The following TANK variants were observed in gnomAD, a reference collection of about 807,000 sequenced individuals.
The protein encoded by TANK is TRAF family member associated NFKB activator, also known as TRAF family member-associated NF-kappa-B activator.
Under a neutral mutation model 43.6 loss-of-function variants are expected in TANK, and 15 were observed. The observed-to-expected ratio is 0.34, with a 90% CI of 0.23 to 0.53. TANK has a LOEUF of 0.53. Among genes scored for constraint, TANK ranks in the 20% least tolerant of loss-of-function variants. The pLI is 0.94. For synonymous variants in TANK, 162 were observed against 178.2 expected, an observed-to-expected ratio of 0.91 and a Z score of 0.73; for missense variants, 417 against 498.6, an observed-to-expected ratio of 0.84 and a Z score of 1.56.
intron 4 of TANK, among the ~76,000 whole-genome samples, chr2:161,210,002 T>C (rs975907508): frequency 6.6e-6 from 1 of 152,256 alleles, no homozygotes; most frequent in Non-Finnish European, 1.5e-5. Context: ...TAAACATGTC[T>C]TTATTTTTCA....
chr2:161,178,995 A>G (rs926775031), intron 1 of TANK, among the ~76,000 whole-genome samples: 3 of 152,174 alleles, frequency 2.0e-5, no homozygotes, highest in African/African-American at 7.2e-5. Flanking sequence ...ACCTGTATTC[A>G]GAAACAGCAG....
At chr2:161,160,641 A>T (rs958584737) in intron 1 of TANK, 155 bp downstream of exon 1, 1 of 614,340 alleles carries the variant, frequency 1.6e-6, no homozygotes, top group Non-Finnish European at 2.5e-6. Context: ...CAGTTTGGGG[A>T]GGGATTTTGT....
At chr2:161,201,922 T>C (rs1250789851) in intron 2 of TANK, among the ~76,000 whole-genome samples, 3 of 152,218 alleles carry the variant, frequency 2.0e-5, no homozygotes, top group Non-Finnish European at 2.9e-5. Flanking sequence ...CTGTTCACAA[T>C]AATAAAATGT....
intron 1 of TANK, 72 bp from the exon 2 acceptor site, chr2:161,179,542 C>G (rs753576642): frequency 1.0e-5 from 14 of 1,362,014 alleles, no homozygotes; most frequent in Non-Finnish European, 1.4e-5. Flanking sequence ...ATAGAACTAT[C>G]TTTAAGATGC....
chr2:161,230,711 A>T (rs1027153644), intron 6 of TANK, among the ~76,000 whole-genome samples: 1 of 152,236 alleles, frequency 6.6e-6, no homozygotes, highest in Non-Finnish European at 1.5e-5. Flanking sequence ...TGTAACTGTG[A>T]ACAAGATGCA....
chr2:161,197,453 C>T (rs1686205827), intron 2 of TANK: 2 of 152,176 alleles, frequency 1.3e-5, no homozygotes, highest in South Asian at 4.1e-4. Flanking sequence ...ATAACCAGAG[C>T]TTTTGTTCAT....
chr2:161,212,142 C>T (rs991195647), intron 4 of TANK: 10 of 354,536 alleles, frequency 2.8e-5, no homozygotes, highest in Non-Finnish European at 3.9e-5. Flanking sequence ...CTCACTGCAA[C>T]CTCCACCTCC....
At chr2:161,208,859 C>T (rs928057261) in intron 4 of TANK, among the ~76,000 whole-genome samples, 4 of 152,136 alleles carry the variant, frequency 2.6e-5, no homozygotes, top group African/African-American at 4.8e-5. Context: ...TAATTTTGTT[C>T]ATTAGAAGCA....
At chr2:161,219,609 C>A in intron 4 of TANK, 1 of 272,972 alleles carries the variant, frequency 3.7e-6, no homozygotes, top group South Asian at 3.8e-5. Flanking sequence ...CTTTTATGTA[C>A]TATTCTTTTA....
chr2:161,140,101 C>T, intron 1 of TANK: 2 of 231,488 alleles, frequency 8.6e-6, no homozygotes, highest in Non-Finnish European at 1.4e-5. Flanking sequence ...TGATAGGTTT[C>T]AGTTTTAAAA....
At chr2:161,137,293 G>T in intron 1 of TANK, 2 of 966,012 alleles carry the variant, frequency 2.1e-6, no homozygotes, top group Middle Eastern at 5.3e-4. Flanking sequence ...GGAGGCCAAG[G>T]TAAGAGGATC....
At chr2:161,150,415 A>G (rs1684039690) in intron 1 of TANK, among the ~76,000 whole-genome samples, 1 of 151,800 alleles carries the variant, frequency 6.6e-6, no homozygotes, top group Non-Finnish European at 1.5e-5. Context: ...ATCTTTTCCA[A>G]GAACCAACTT....
At chr2:161,172,120 C>T (rs1186646443) in intron 1 of TANK, among the ~76,000 whole-genome samples, 1 of 152,090 alleles carries the variant, frequency 6.6e-6, no homozygotes, top group East Asian at 1.9e-4. Context: ...AACATTTCTA[C>T]ATATTGGATT....
rs556538425 is a variant in TANK, at chr2:161,184,129, T to A, written c.99+4368T>A. Among the ~76,000 whole-genome samples, 23 of 152,228 alleles carry A rather than the reference T, an allele frequency of 1.5e-4. No individual in the cohort carries two copies. The East Asian group carries it at 4.4e-3, about 29-fold the overall frequency. On this transcript the variant is annotated intron_variant, in intron 2 of 7. Transcript: ENST00000392749. Reference sequence around the variant, plus strand: ...GATACATTTCATGTACCACAAGGAATCATATAGCTTCAAAGAGAATGATGG... The same window carrying A: ...GATACATTTCATGTACCACAAGGAAACATATAGCTTCAAAGAGAATGATGG...
At chr2:161,178,608 T>C (rs1685278720) in intron 1 of TANK, among the ~76,000 whole-genome samples, 1 of 152,088 alleles carries the variant, frequency 6.6e-6, no homozygotes, top group Non-Finnish European at 1.5e-5. Flanking sequence ...ACATAATGAA[T>C]ATTCTAAAAA....
intron 4 of TANK, among the ~76,000 whole-genome samples, chr2:161,218,868 CCTCCCT>C (rs1376091980): frequency 6.6e-6 from 1 of 152,096 alleles, no homozygotes; most frequent in Non-Finnish European, 1.5e-5. Context: ...GTTTCAAACT[CCTCCCT>C]CTCAGCCTCC....
chr2:161,234,568 C>G (rs547740408), intron 7 of TANK, among the ~76,000 whole-genome samples: 72 of 152,208 alleles, frequency 4.7e-4, no homozygotes, highest in Non-Finnish European at 8.4e-4. Context: ...TATTTATGTG[C>G]TGGTTATAGT....
intron 1 of TANK, among the ~76,000 whole-genome samples, chr2:161,149,394 T>A (rs1460181058): frequency 6.6e-6 from 1 of 152,214 alleles, no homozygotes; most frequent in African/African-American, 2.4e-5. Flanking sequence ...GTGAATACTT[T>A]GGGAGTTTTC....
intron 4 of TANK, 83 bp downstream of exon 4, chr2:161,204,876 G>T (rs916898970): frequency 4.5e-6 from 7 of 1,550,568 alleles, no homozygotes; most frequent in African/African-American, 2.9e-5. Flanking sequence ...GAAGTGATCT[G>T]CTGGAATTCC....
Sources: allele counts gnomAD v4.1 joint callset (sites outside exome capture counted in the v4.1 genomes callset), GRCh38; gene constraint gnomAD v4.1.1; transcripts MANE v1.5; gene names NCBI Gene and HGNC (gene_info 2026-07-23, HGNC 2026-07-21).